Variants in PDE7A observed in about 807,000 individuals in gnomAD.
The protein encoded by PDE7A is high affinity 3',5'-cyclic-AMP phosphodiesterase 7A.
In PDE7A, 39 loss-of-function variants were observed where a neutral mutation model predicts 64.3. The observed-to-expected ratio is 0.61, with a 90% confidence interval of 0.47 to 0.79. The LOEUF (loss-of-function observed/expected upper bound fraction) is 0.79. PDE7A is among the 30% of genes least tolerant of loss of function. The pLI is 0.00. For missense variants in PDE7A, 470 were observed against 582.8 expected (o/e 0.81, Z 1.99); for synonymous variants, 203 against 206.8 (o/e 0.98, Z 0.16).
intron 4 of PDE7A, among the ~76,000 whole-genome samples, chr8:65,745,671 A>T (rs868865093): frequency 6.6e-6 from 1 of 152,376 alleles, no homozygotes; most frequent in Middle Eastern, 3.4e-3. Context: ...GAAAAATGAA[A>T]CATTATTTTG....
intron 3 of PDE7A, among the ~76,000 whole-genome samples, chr8:65,777,896 T>G (rs1016062427): frequency 6.6e-6 from 1 of 152,228 alleles, no homozygotes; most frequent in Non-Finnish European, 1.5e-5. Context: ...AATGTTACTC[T>G]GCTTGAGATT....
chr8:65,740,848 C>G (rs1007040473), intron 5 of PDE7A, among the ~76,000 whole-genome samples: 6 of 152,140 alleles, frequency 3.9e-5, no homozygotes, highest in Admixed American at 6.5e-5. Flanking sequence ...CAGACATGTT[C>G]TAGATTCTCT....
rs1053185108 is a variant in PDE7A at position 65,839,040 on chromosome 8, C to T, written c.138+2331G>A. ...CTCCATATTGTTTTCATATTTAAAA[C>T]TGATGCTCAGTCAGAGATAATTTCA... On this transcript the variant is annotated intron_variant, in intron 1 of 12. Transcript: ENST00000401827. Among the ~76,000 whole-genome samples the T allele has an allele frequency of 7.2e-5, 11 of 152,262 alleles. No homozygotes were observed. The South Asian group carries it at 1.0e-3, about 14-fold the overall frequency.
intron 3 of PDE7A, among the ~76,000 whole-genome samples, chr8:65,766,192 C>T (rs1231372744): frequency 2.0e-4 from 31 of 152,232 alleles, no homozygotes; most frequent in Non-Finnish European, 2.9e-5. Context: ...GTGATCCACC[C>T]GCCTTGGCCT....
intron 1 of PDE7A, among the ~76,000 whole-genome samples, chr8:65,822,060 T>C (rs573346891): frequency 1.6e-4 from 24 of 152,292 alleles, no homozygotes; most frequent in African/African-American, 5.8e-4. Context: ...AGAGGGTATG[T>C]TGACCTGGGG....
At chr8:65,754,483 G>T (rs934141793) in intron 3 of PDE7A, among the ~76,000 whole-genome samples, 4 of 151,316 alleles carry the variant, frequency 2.6e-5, no homozygotes, top group African/African-American at 9.7e-5. Context: ...GATTACAGGT[G>T]CCCACCACCA....
chr8:65,739,654 T>A, intron 5 of PDE7A, 57 bp from the exon 6 acceptor site: 1 of 1,359,946 alleles, frequency 7.4e-7, no homozygotes, highest in Non-Finnish European at 9.6e-7. Flanking sequence ...CACAATTATA[T>A]TATGCTTTGA....
intron 1 of PDE7A, among the ~76,000 whole-genome samples, chr8:65,840,446 A>C (rs998171553): frequency 2.6e-5 from 4 of 151,806 alleles, no homozygotes; most frequent in Non-Finnish European, 4.4e-5. Context: ...CTCAAGATAC[A>C]ATATAACTGG....
chr8:65,739,367 G>A (rs1343234470), intron 6 of PDE7A, 135 bp downstream of exon 6: 1 of 977,038 alleles, frequency 1.0e-6, no homozygotes. Context: ...CTAAATAACT[G>A]TGTGTTGTTT....
chr8:65,775,249 TTTTA>T (rs1175744456), intron 3 of PDE7A, among the ~76,000 whole-genome samples: 1 of 152,240 alleles, frequency 6.6e-6, no homozygotes, highest in South Asian at 2.1e-4. Context: ...AGAGTTCTAC[TTTTA>T]TTTTAGTTTA....
At chr8:65,767,742 T>A (rs1205025473) in intron 3 of PDE7A, among the ~76,000 whole-genome samples, 1 of 152,150 alleles carries the variant, frequency 6.6e-6, no homozygotes, top group Non-Finnish European at 1.5e-5. Context: ...AGGGAAGGCA[T>A]GGAAGTTCTG....
chr8:65,812,849 C>A (rs1810288883), intron 1 of PDE7A, among the ~76,000 whole-genome samples: 1 of 152,180 alleles, frequency 6.6e-6, no homozygotes, highest in Non-Finnish European at 1.5e-5. Context: ...ATTCGAAAGA[C>A]TGATAACACC....
At chr8:65,756,575 TTC>T (rs1409427417) in intron 3 of PDE7A, among the ~76,000 whole-genome samples, 15 of 152,304 alleles carry the variant, frequency 9.8e-5, no homozygotes, top group African/African-American at 3.4e-4. Flanking sequence ...ATTCTAGAAT[TTC>T]TGTTTGGTTC....
intron 3 of PDE7A, among the ~76,000 whole-genome samples, chr8:65,778,559 G>A (rs73240793): frequency 0.024 from 3,588 of 152,168 alleles, 66 homozygotes; most frequent in African/African-American, 0.055. Flanking sequence ...CCTGATTCTC[G>A]GAATCATGAG....
chr8:65,768,009 TG>T (rs979794711), intron 3 of PDE7A, among the ~76,000 whole-genome samples: 1 of 152,040 alleles, frequency 6.6e-6, no homozygotes, highest in Admixed American at 6.5e-5. Context: ...CCTTAACCTG[TG>T]GGGTCTGACA....
intron 1 of PDE7A, among the ~76,000 whole-genome samples, chr8:65,818,564 A>G (rs1280811686): frequency 6.6e-6 from 1 of 152,180 alleles, no homozygotes; most frequent in Non-Finnish European, 1.5e-5. Context: ...CAAGGCTTCC[A>G]TCTTTGTTGA....
chr8:65,782,523 C>G (rs80127653), intron 2 of PDE7A, among the ~76,000 whole-genome samples: 1 of 152,284 alleles, frequency 6.6e-6, no homozygotes, highest in Non-Finnish European at 1.5e-5. Context: ...GAAGAATGTT[C>G]AAGATGCAAT....
intron 1 of PDE7A, among the ~76,000 whole-genome samples, chr8:65,808,117 C>G (rs758071447): frequency 7.2e-5 from 11 of 152,124 alleles, no homozygotes; most frequent in Non-Finnish European, 1.2e-4. Flanking sequence ...AGGATGTACA[C>G]TATTTAATCT....
chr8:65,748,839 G>A (rs13280521), intron 3 of PDE7A, among the ~76,000 whole-genome samples: 57,237 of 152,106 alleles, frequency 0.38, 14,033 homozygotes, highest in Non-Finnish European at 0.56. Context: ...CACAGCAGGT[G>A]TTAAATAGTA....
Sources: gnomAD v4.1 joint callset for allele counts (sites outside exome capture counted in the v4.1 genomes callset) on GRCh38, gnomAD v4.1.1 for gene constraint, MANE v1.5 for transcripts, NCBI Gene and HGNC (gene_info 2026-07-23, HGNC 2026-07-21) for gene names.